Variants in SUPT5H observed in about 807,000 individuals in gnomAD.
SUPT5H encodes transcription elongation factor SPT5.
SUPT5H carries 24 observed loss-of-function variants against 142.5 expected under a neutral mutation model. That is an observed-to-expected ratio of 0.17 (90% confidence interval 0.12 to 0.24). The LOEUF is 0.24. SUPT5H is among the 10% of genes least tolerant of loss of function. SUPT5H has a pLI of 1.00. For synonymous variants in SUPT5H, 546 were observed against 553.0 expected (o/e 0.99, Z 0.18); for missense variants, 893 against 1,471.8 (o/e 0.61, Z 6.43).
chr19:39,476,670 AGTGC>A (rs1164949022), downstream of SUPT5H: 34 of 342,934 alleles, frequency 9.9e-5, 1 homozygote, highest in South Asian at 3.2e-4. Context: ...TTGGTCTAAA[AGTGC>A]GTGTGTGTGT....
In SUPT5H at chr19:39,459,974, A is replaced by G. The variant is rs2146096912; in HGVS notation, c.624+14A>G. On this transcript the variant is annotated intron_variant, in intron 10 of 29. Transcript: ENST00000432763. ...TTCACAGACACGGTAAGTCGGGTAGACAGGCGGCTTGGTGGGGAGACATGG... is the reference window on the plus strand; with the variant it reads ...TTCACAGACACGGTAAGTCGGGTAGGCAGGCGGCTTGGTGGGGAGACATGG... The G allele has an allele frequency of 6.2e-7, 1 of 1,614,024 alleles. No homozygotes were observed. Among genetic ancestry groups the G allele is most frequent in the Non-Finnish European group, 8.5e-7 (1 of 1,179,960 alleles).
chr19:39,453,241 A>G (rs1441261257), intron 2 of SUPT5H, 115 bp from the exon 3 acceptor site: 2 of 1,278,026 alleles, frequency 1.6e-6, no homozygotes, highest in African/African-American at 3.0e-5. Context: ...ATGCAGAGCA[A>G]AGTGGGCTAT....
intron 19 of SUPT5H, 32 bp from the exon 20 acceptor site, chr19:39,471,573 G>T: frequency 1.2e-6 from 2 of 1,614,094 alleles, no homozygotes; most frequent in Non-Finnish European, 1.7e-6. Context: ...GGGGGACATG[G>T]TCAAGAGAGT....
chr19:39,472,910 C>G lies in SUPT5H; in HGVS notation c.2136C>G (p.Ile712Met), dbSNP rs1436252685. Residue 712 changes from isoleucine to methionine, a missense_variant, in exon 22 of 30, where the codon ATC becomes ATG. Coordinates refer to ENST00000432763, the MANE Select transcript of SUPT5H (RefSeq NM_001111020.3). This position sits in a 1 kb window ranked among gnomAD's most constrained non-coding sequence, Gnocchi z 4.2. Reference protein sequence around the residue: ...DNELIGQTVRISQGPYKGYIG... With the variant: ...DNELIGQTVRMSQGPYKGYIG... ...AACTCATCGGCCAGACCGTGCGCAT[C>G]TCCCAGGGGCCCTACAAAGGTGACC... 2 of 1,613,508 alleles carry G rather than the reference C, an allele frequency of 1.2e-6. No individual in the cohort carries two copies. Among genetic ancestry groups the G allele is most frequent in the Non-Finnish European group, 1.7e-6 (2 of 1,179,672 alleles).
At position 39,473,881 on chromosome 19, in the gene SUPT5H, G is replaced by C. The variant is rs1026513694; in HGVS notation, c.2493-82G>C. ...CGTGAGAATGAAATTGCTTCAGTTG[G>C]GGGTCTGGTGTAGGGTGCTGTTCTG... On this transcript the variant is annotated intron_variant, in intron 25 of 29. Transcript: ENST00000432763. The surrounding 1 kb of genome is among the most constrained non-coding windows in gnomAD (Gnocchi z 5.8). 26 of 1,581,356 alleles carry C rather than the reference G, an allele frequency of 1.6e-5. No individual in the cohort carries two copies. The Admixed American group carries it at 4.2e-4, about 26-fold the overall frequency.
intron 10 of SUPT5H, among the ~76,000 whole-genome samples, chr19:39,462,892 T>G (rs2079183109): frequency 7.3e-6 from 1 of 137,394 alleles, no homozygotes; most frequent in Non-Finnish European, 1.5e-5. Flanking sequence ...CAGGCTGGAG[T>G]GCAATGATGC....
At chr19:39,461,171 T>G (rs1302942434) in intron 10 of SUPT5H, among the ~76,000 whole-genome samples, 3 of 151,882 alleles carry the variant, frequency 2.0e-5, no homozygotes, top group African/African-American at 7.3e-5. Context: ...TTGACTGTAA[T>G]CCCAGCTACT....
intron 1 of SUPT5H, 76 bp downstream of exon 1, chr19:39,445,713 T>C (rs2078943871): frequency 2.8e-6 from 2 of 705,094 alleles, no homozygotes; most frequent in Admixed American, 4.8e-5. Context: ...TGGGGAGGTC[T>C]AGCATGTGGC....
chr19:39,445,982 C>G lies in SUPT5H; in HGVS notation c.75+17C>G. The G allele has an allele frequency of 6.2e-7, 1 of 1,608,666 alleles. No homozygotes were observed. The highest frequency in any genetic ancestry group is 8.5e-7 in the Non-Finnish European group (1 of 1,178,914). On this transcript the variant is annotated intron_variant, in intron 2 of 29. Coordinates refer to ENST00000432763, the MANE Select transcript of SUPT5H (RefSeq NM_001111020.3). ...GAGGCCGAGGTCTGTGGCTGGGGCG[C>G]TGGGGGAGACATTGCGTCTGGGGAC...
At chr19:39,467,198 C>T (rs2079252545) in intron 13 of SUPT5H, 1 of 153,146 alleles carries the variant, frequency 6.5e-6, no homozygotes. Context: ...GCCTGGCCAA[C>T]ATGGTGAAAC....
In SUPT5H at chr19:39,457,489, C is replaced by T. The variant is rs149853559; in HGVS notation, c.242-186C>T. Among the ~76,000 whole-genome samples, 865 of 152,254 alleles carry T rather than the reference C, an allele frequency of 5.7e-3. 11 individuals carry two copies. Among genetic ancestry groups the T allele is most frequent in the African/African-American group, 0.02 (811 of 41,544 alleles). On this transcript the variant is annotated intron_variant, in intron 3 of 29. Coordinates refer to ENST00000432763, the MANE Select transcript of SUPT5H (RefSeq NM_001111020.3). ...GAGTTAGTTGGAGCTGTATGTCCCC[C>T]TCGATCCTGATGCGTGCACCAGCTC...
chr19:39,449,673 G>T (rs374936007), intron 2 of SUPT5H, among the ~76,000 whole-genome samples: 6 of 149,552 alleles, frequency 4.0e-5, no homozygotes, highest in East Asian at 4.0e-4. Context: ...TTGGTGTCTT[G>T]CTCTGTCACC....
rs763536334 is a variant in SUPT5H at position 39,472,892 on chromosome 19, C to T, written c.2118C>T (p.Ile706=). The T allele has an allele frequency of 5.3e-5, 85 of 1,613,612 alleles. No individual in the cohort carries two copies. The highest frequency in any genetic ancestry group is 6.7e-5 in the Non-Finnish European group (79 of 1,179,830). ...RGRGRRDNEL[I]GQTVRISQGP... is the part of the protein sequence containing the mutation. ...GGGGCCGGAGGGACAACGAACTCATCGGCCAGACCGTGCGCATCTCCCAGG... is the reference window on the plus strand; with the variant it reads ...GGGGCCGGAGGGACAACGAACTCATTGGCCAGACCGTGCGCATCTCCCAGG... Residue 706 remains isoleucine, a synonymous_variant, in exon 22 of 30, where the codon ATC becomes ATT. Transcript: ENST00000432763. The surrounding 1 kb of genome is among the most constrained non-coding windows in gnomAD (Gnocchi z 4.2).
chr19:39,468,852 G>A lies in SUPT5H; in HGVS notation c.1134G>A (p.Met378Ile). ...GCTTTCTGTTCAAGAGCTTCGCCAT[G>A]TCTGCTGTGGTGAGGGTCCCAGAGG... ...RKGFLFKSFA[M>I]SAVITEGVKP... Residue 378 changes from methionine (M) to isoleucine (I), a missense_variant, in exon 14 of 30, where the codon ATG (methionine) becomes ATA (isoleucine). Met to Ile is a conservative substitution (Grantham distance 10, BLOSUM62 1). Transcript: ENST00000432763. 6.2e-7 allele frequency: 1 copy of A among 1,614,162 alleles called. No homozygotes were observed. The highest frequency in any genetic ancestry group is 2.2e-5 in the East Asian group (1 of 44,874).
chr19:39,455,953 C>T (rs2079083695), intron 3 of SUPT5H, among the ~76,000 whole-genome samples: 1 of 109,128 alleles, frequency 9.2e-6, no homozygotes, highest in Admixed American at 1.1e-4. Flanking sequence ...TTTTTTAAGA[C>T]GGAGTTTCTC....
rs776672880 is a variant in SUPT5H, at chr19:39,473,436, G to A, written c.2407G>A (p.Gly803Ser). ...LQDGSRTPHY[G>S]SQTPLHDGSR... The stretch of plus-strand genomic sequence containing the variant: ...TCCAGGTAGCCGCACCCCACACTAC[G>A]GCTCACAGACGCCCCTGCATGATGG... Residue 803 changes from glycine (G) to serine (S), a missense_variant, in exon 25 of 30, where the codon GGC (glycine) becomes AGC (serine). Gly to Ser is a moderately conservative substitution (Grantham distance 56, BLOSUM62 0). Around this residue, in one of 6 missense-constraint regions of SUPT5H, gnomAD observed 336 missense variants for 546.5 expected, o/e 0.61. Transcript: ENST00000432763. This position sits in a 1 kb window ranked among gnomAD's most constrained non-coding sequence, Gnocchi z 5.8. 1.2e-6 allele frequency: 2 copies of A among 1,613,340 alleles called. No homozygotes were observed. Among genetic ancestry groups the A allele is most frequent in the South Asian group, 1.1e-5 (1 of 91,082 alleles).
intron 2 of SUPT5H, among the ~76,000 whole-genome samples, chr19:39,447,922 C>G (rs2078973738): frequency 6.6e-6 from 1 of 152,160 alleles, no homozygotes; most frequent in African/African-American, 2.4e-5. Flanking sequence ...TGCACAGAAA[C>G]TTAAATTGGC....
rs974132238 is a variant in SUPT5H at position 39,454,928 on chromosome 19, T to G, written c.241+1407T>G. Among the ~76,000 whole-genome samples the G allele has an allele frequency of 3.9e-5, 6 of 152,328 alleles. No individual in the cohort carries two copies. The South Asian group carries it at 6.2e-4, about 16-fold the overall frequency. ...CTGTGGGTTCCCAGGGACACCCATA[T>G]GTTGGTGGTGGAAGTGTTGGTGGGC... is the stretch of plus-strand genomic sequence containing the variant. On this transcript the variant is annotated intron_variant, in intron 3 of 29. Coordinates refer to ENST00000432763, the MANE Select transcript of SUPT5H (RefSeq NM_001111020.3).
Position 39,458,234 on chromosome 19 carries a change from ACCACC to A in SUPT5H, c.308-59_308-55del. On this transcript the variant is annotated intron_variant, in intron 4 of 29. Transcript: ENST00000432763. This position sits in a 1 kb window ranked among gnomAD's most constrained non-coding sequence, Gnocchi z 4.2. ...GCTCATACTTTGTCTGCCCTCGCCCACCACCACCACCACCACCACCACCACCACCA... is the reference window on the plus strand; with the variant it reads ...GCTCATACTTTGTCTGCCCTCGCCCAACCACCACCACCACCACCACCACCA... 3.6e-6 allele frequency: 1 copy of A among 279,848 alleles called. No individual in the cohort carries two copies. The allele number at this position is 279,848 out of a possible 1,614,324, so 17.3% of individuals were successfully genotyped here. A position where few individuals can be genotyped will look rare whatever the true frequency, so the allele number is the denominator to read the frequency against.
Sources: gnomAD v4.1 joint callset for allele counts (sites outside exome capture counted in the v4.1 genomes callset) on GRCh38, gnomAD v4.1.1 for gene constraint, gnomAD v4.1.1 regional missense constraint, Gnocchi (gnomAD v3.1) non-coding constraint, MANE v1.5 for transcripts, NCBI Gene and HGNC (gene_info 2026-07-23, HGNC 2026-07-21) for gene names.